The following CHKA variants were observed in gnomAD, a reference collection of about 807,000 sequenced individuals.
CHKA encodes choline kinase alpha, also known as CHETK-alpha.
Under a neutral mutation model 60.1 loss-of-function variants are expected in CHKA, and 34 were observed. The ratio of observed to expected loss-of-function variants is 0.57; its 90% CI spans 0.43 to 0.75. CHKA has a LOEUF of 0.75. Among genes scored for constraint, CHKA ranks in the 30% least tolerant of loss-of-function variants. The pLI, the probability that CHKA is intolerant of heterozygous loss-of-function variation, is 0.00. For synonymous variants in CHKA, 217 were observed against 223.1 expected (o/e 0.97, Z 0.24); for missense variants, 563 against 561.3 (o/e 1.00, Z -0.03).
In CHKA at chr11:68,100,937, CTTTTTTTTTT is replaced by C. The variant is rs758101816; in HGVS notation, c.351-3817_351-3808del. On this transcript the variant is annotated intron_variant, in intron 1 of 11. Coordinates refer to ENST00000265689, the MANE Select transcript of CHKA (RefSeq NM_001277.3). ...GAATAACAAGCAGTATAAAGAGGTT[CTTTTTTTTTT>C]TTTTTTTTTTTTTTTTTTGAGACGG... Among the ~76,000 whole-genome samples the C allele has an allele frequency of 5.0e-3, 392 of 78,196 alleles. 10 individuals are homozygous for C. Among genetic ancestry groups the C allele is most frequent in the Non-Finnish European group, 5.0e-3 (204 of 40,636 alleles). The allele number at this position is 78,196 out of a possible 152,430, so 51.3% of individuals were successfully genotyped here. A position where few individuals can be genotyped will look rare whatever the true frequency, so the allele number is the denominator to read the frequency against.
At chr11:68,100,676 T>A (rs1263692949) in intron 1 of CHKA, among the ~76,000 whole-genome samples, 1 of 150,434 alleles carries the variant, frequency 6.6e-6, no homozygotes, top group African/African-American at 2.4e-5. Context: ...ATAAATAAAT[T>A]TAAATATATA....
chr11:68,107,019 C>T (rs1414724223), intron 1 of CHKA, among the ~76,000 whole-genome samples: 3 of 152,018 alleles, frequency 2.0e-5, no homozygotes, highest in East Asian at 1.9e-4. Flanking sequence ...TTTGGGAGGC[C>T]GAGGTGGGTG....
At chr11:68,055,280 C>T (rs1273287679) in intron 11 of CHKA, among the ~76,000 whole-genome samples, 1 of 152,122 alleles carries the variant, frequency 6.6e-6, no homozygotes, top group Non-Finnish European at 1.5e-5. Flanking sequence ...ATCCCAGCTA[C>T]TCAAGAGGCT....
At chr11:68,056,781 A>G (rs1453231108) in intron 11 of CHKA, among the ~76,000 whole-genome samples, 6 of 152,140 alleles carry the variant, frequency 3.9e-5, no homozygotes, top group Non-Finnish European at 7.4e-5. Context: ...AGGTTGAGAC[A>G]AGAGGATCGC....
In CHKA at chr11:68,053,889, C is replaced by T; in HGVS notation, c.*99G>A. 1.1e-6 allele frequency: 1 copy of T among 949,176 alleles called. No individual in the cohort carries two copies. Among genetic ancestry groups the T allele is most frequent in the Non-Finnish European group, 1.7e-6 (1 of 598,536 alleles). 58.8% of individuals were successfully genotyped at this position (949,176 alleles called of 1,614,324 possible). On this transcript the variant is annotated 3_prime_UTR_variant, in exon 12 of 12. Transcript: ENST00000265689. Reference sequence around the variant, plus strand: ...GTGTTCAGTAGTGAGCCACCCAAAGCCTCCTGCCACAGGAGCAGTAGTCGA... The same window carrying T: ...GTGTTCAGTAGTGAGCCACCCAAAGTCTCCTGCCACAGGAGCAGTAGTCGA...
At chr11:68,104,260 T>G (rs1857832235) in intron 1 of CHKA, among the ~76,000 whole-genome samples, 1 of 152,112 alleles carries the variant, frequency 6.6e-6, no homozygotes, top group Admixed American at 6.6e-5. Context: ...CAATGTGATC[T>G]CACTTGTGTA....
chr11:68,111,995 G>A (rs1022059860), intron 1 of CHKA, among the ~76,000 whole-genome samples: 3 of 144,936 alleles, frequency 2.1e-5, no homozygotes, highest in Non-Finnish European at 4.5e-5. Context: ...GGAGGTTGCG[G>A]TGAGCCGAGA....
chr11:68,066,072 T>A (rs150126000), intron 8 of CHKA, among the ~76,000 whole-genome samples, 178 bp from the exon 9 acceptor site: 2 of 152,264 alleles, frequency 1.3e-5, no homozygotes, highest in African/African-American at 4.8e-5. Context: ...AGGTGGTTGA[T>A]CAGCATCACA....
chr11:68,101,608 A>G (rs1857728032), intron 1 of CHKA, among the ~76,000 whole-genome samples: 1 of 151,800 alleles, frequency 6.6e-6, no homozygotes, highest in South Asian at 2.1e-4. Context: ...ATAGCAAATT[A>G]TCTGGAATGG....
intron 1 of CHKA, among the ~76,000 whole-genome samples, chr11:68,116,040 C>G (rs1858371392): frequency 6.6e-6 from 1 of 152,120 alleles, no homozygotes. Context: ...CTTGGCCAGT[C>G]TTTTCATGGG....
intron 1 of CHKA, among the ~76,000 whole-genome samples, chr11:68,102,870 T>C (rs1305112066): frequency 6.6e-6 from 1 of 151,976 alleles, no homozygotes; most frequent in African/African-American, 2.4e-5. Flanking sequence ...AATTAAAAAA[T>C]GGACACCAGC....
Sources: allele counts gnomAD v4.1 joint callset (sites outside exome capture counted in the v4.1 genomes callset), GRCh38; gene constraint gnomAD v4.1.1; transcripts MANE v1.5; gene names NCBI Gene and HGNC (gene_info 2026-07-23, HGNC 2026-07-21).